STXBP5L: variants seen among roughly 807,000 people sequenced by gnomAD.
STXBP5L encodes the protein syntaxin binding protein 5L.
Under a neutral mutation model 144.5 loss-of-function variants are expected in STXBP5L, and 65 were observed. That is an observed-to-expected ratio of 0.45 (90% confidence interval 0.37 to 0.55). The LOEUF (loss-of-function observed/expected upper bound fraction) is 0.55, where lower values mean the gene tolerates loss of function less well. STXBP5L is among the 20% of genes least tolerant of loss of function. The pLI, the probability that STXBP5L is intolerant of heterozygous loss-of-function variation, is 0.00. For missense variants in STXBP5L, 1,298 were observed against 1,405.5 expected (o/e 0.92, Z 1.22); for synonymous variants, 505 against 469.6 (o/e 1.08, Z -0.97).
At chr3:121,259,213 T>C in intron 18 of STXBP5L, 45 bp downstream of exon 18, 1 of 1,380,506 alleles carries the variant, frequency 7.2e-7, no homozygotes, top group Non-Finnish European at 9.5e-7. Flanking sequence ...TTAGCTAATA[T>C]GTTTGATTTT....
chr3:121,233,010 T>A (rs185409410), intron 11 of STXBP5L, among the ~76,000 whole-genome samples: 2 of 152,268 alleles, frequency 1.3e-5, no homozygotes, highest in Admixed American at 1.3e-4. Flanking sequence ...GTTGCATGCT[T>A]TGTTTATCTT....
intron 15 of STXBP5L, among the ~76,000 whole-genome samples, chr3:121,252,887 C>T (rs1020639603): frequency 3.3e-5 from 5 of 152,116 alleles, no homozygotes; most frequent in African/African-American, 1.2e-4. Context: ...CTCTTCCAAG[C>T]TTATGTAATC....
At chr3:121,176,269 T>C (rs972818040) in intron 9 of STXBP5L, among the ~76,000 whole-genome samples, 3 of 151,792 alleles carry the variant, frequency 2.0e-5, no homozygotes, top group Admixed American at 6.6e-5. Flanking sequence ...AAAGTGGAAA[T>C]GGGACACTAA....
intron 20 of STXBP5L, among the ~76,000 whole-genome samples, chr3:121,341,891 T>TA (rs1460504033): frequency 1.3e-5 from 2 of 151,776 alleles, no homozygotes; most frequent in Non-Finnish European, 2.9e-5. Context: ...TTAATGAGTA[T>TA]AAAAAATAGA....
chr3:121,321,803 C>A (rs1053122953), intron 20 of STXBP5L, among the ~76,000 whole-genome samples: 1 of 152,152 alleles, frequency 6.6e-6, no homozygotes, highest in Non-Finnish European at 1.5e-5. Context: ...ATTAGGCAAA[C>A]CAGAAACCAG....
intron 19 of STXBP5L, among the ~76,000 whole-genome samples, chr3:121,288,092 G>A (rs2051295076): frequency 6.6e-6 from 1 of 152,134 alleles, no homozygotes; most frequent in Admixed American, 6.5e-5. Context: ...CTTTTAAAAA[G>A]AAGAATCTGT....
At chr3:121,197,195 A>T (rs1307562109) in intron 9 of STXBP5L, among the ~76,000 whole-genome samples, 1 of 151,920 alleles carries the variant, frequency 6.6e-6, no homozygotes, top group African/African-American at 2.4e-5. Flanking sequence ...TGCTATTTCC[A>T]TGTTATGTCC....
chr3:121,206,891 C>G (rs1163990927), intron 10 of STXBP5L, among the ~76,000 whole-genome samples: 1 of 152,092 alleles, frequency 6.6e-6, no homozygotes, highest in African/African-American at 2.4e-5. Flanking sequence ...TGGCAATACA[C>G]TCATTGAGAA....
chr3:120,969,611 C>CT (rs1203936224), intron 3 of STXBP5L, among the ~76,000 whole-genome samples: 2 of 151,778 alleles, frequency 1.3e-5, no homozygotes, highest in Non-Finnish European at 2.9e-5. Flanking sequence ...GGCATGAATT[C>CT]TTGCCTAAGT....
intron 5 of STXBP5L, among the ~76,000 whole-genome samples, chr3:121,053,632 A>G (rs1467240410): frequency 2.0e-5 from 3 of 152,156 alleles, no homozygotes; most frequent in Non-Finnish European, 4.4e-5. Flanking sequence ...AACCATAAAA[A>G]CCCTAGAAGA....
chr3:120,946,683 G>T (rs1710875158), intron 2 of STXBP5L, among the ~76,000 whole-genome samples: 1 of 151,682 alleles, frequency 6.6e-6, no homozygotes, highest in South Asian at 2.1e-4. Context: ...TATAAATTCT[G>T]CTTTGCCAAA....
intron 9 of STXBP5L, among the ~76,000 whole-genome samples, chr3:121,165,969 C>G (rs2046484145): frequency 5.1e-4 from 1 of 1,954 alleles, no homozygotes. Context: ...CGCCCCTGTT[C>G]CATTCTATTC....
intron 19 of STXBP5L, among the ~76,000 whole-genome samples, chr3:121,303,004 T>C (rs2051984592): frequency 6.6e-6 from 1 of 152,154 alleles, no homozygotes; most frequent in African/African-American, 2.4e-5. Context: ...CCAAAAGCAA[T>C]GGCAACAAAA....
chr3:121,124,617 AT>A (rs1051535276), intron 7 of STXBP5L, among the ~76,000 whole-genome samples: 1 of 151,910 alleles, frequency 6.6e-6, no homozygotes, highest in Non-Finnish European at 1.5e-5. Flanking sequence ...AATATTATTG[AT>A]TTTTTAATAT....
chr3:121,011,703 A>G (rs547283019), intron 3 of STXBP5L, among the ~76,000 whole-genome samples: 10 of 151,846 alleles, frequency 6.6e-5, no homozygotes, highest in East Asian at 1.9e-4. Context: ...AAGATCCCAA[A>G]TCCTCTTTTT....
At chr3:120,964,208 C>CT (rs967627226) in intron 3 of STXBP5L, among the ~76,000 whole-genome samples, 13 of 152,012 alleles carry the variant, frequency 8.6e-5, no homozygotes, top group African/African-American at 1.4e-4. Context: ...TTTTGTTGAT[C>CT]TTTTCCAAAA....
intron 2 of STXBP5L, among the ~76,000 whole-genome samples, chr3:120,950,551 ATAC>A: frequency 6.6e-6 from 1 of 151,834 alleles, no homozygotes; most frequent in African/African-American, 2.4e-5. Flanking sequence ...TTTTTTTATT[ATAC>A]TTTAAGTTTT....
chr3:121,037,123 G>C (rs1179772883), intron 3 of STXBP5L, among the ~76,000 whole-genome samples: 1 of 151,738 alleles, frequency 6.6e-6, no homozygotes, highest in Non-Finnish European at 1.5e-5. Flanking sequence ...GTAGAGATGG[G>C]GGTCTCACTA....
At chr3:121,086,178 C>CT (rs1410931135) in intron 5 of STXBP5L, among the ~76,000 whole-genome samples, 1 of 152,062 alleles carries the variant, frequency 6.6e-6, no homozygotes, top group Non-Finnish European at 1.5e-5. Context: ...GGATTAAAGA[C>CT]TTTTTTCTTT....
Sources: allele counts gnomAD v4.1 joint callset (sites outside exome capture counted in the v4.1 genomes callset), GRCh38; gene constraint gnomAD v4.1.1; transcripts MANE v1.5; gene names NCBI Gene and HGNC (gene_info 2026-07-23, HGNC 2026-07-21).